The following OPRD1 variants were observed in gnomAD, a reference collection of about 807,000 sequenced individuals.
The protein encoded by OPRD1 is delta-type opioid receptor.
Under a neutral mutation model 17.5 loss-of-function variants are expected in OPRD1, and 19 were observed. That is an observed-to-expected ratio of 1.09 (90% CI 0.76 to 1.60). The LOEUF (loss-of-function observed/expected upper bound fraction) is 1.60, where lower values mean the gene tolerates loss of function less well. Ranked by LOEUF, OPRD1 falls within the 40% of genes most tolerant of loss-of-function variation. The pLI is 0.00. For missense variants in OPRD1, 483 were observed against 547.2 expected, an observed-to-expected ratio of 0.88 and a Z score of 1.17; for synonymous variants, 256 against 240.9, an observed-to-expected ratio of 1.06 and a Z score of -0.58.
intron 1 of OPRD1, among the ~76,000 whole-genome samples, chr1:28,839,447 C>A (rs186213929): frequency 1.9e-4 from 29 of 152,308 alleles, no homozygotes; most frequent in Admixed American, 5.9e-4. Flanking sequence ...GCTGTTATTT[C>A]TGAGAGCTCG....
chr1:28,867,212 T>C lies in OPRD1; in HGVS notation c.*3929T>C, dbSNP rs1349938135. 3 of 151,626 alleles carry C rather than the reference T, an allele frequency of 2.0e-5. No homozygotes were observed. Among genetic ancestry groups the C allele is most frequent in the Admixed American group, 2.0e-4 (3 of 15,216 alleles). The allele number at this position is 151,626 out of a possible 1,614,324, so 9.4% of individuals were successfully genotyped here. A position where few individuals can be genotyped will look rare whatever the true frequency, so the allele number is the denominator to read the frequency against. On this transcript the variant is annotated 3_prime_UTR_variant, in exon 3 of 3. Coordinates refer to ENST00000234961, the MANE Select transcript of OPRD1 (RefSeq NM_000911.4). ...TTTATTCATTTATTTTGTTTGGGTT[T>C]TTTTTTTTCTGAGACAGGGTCTCCC...
rs1437283938 is a variant in OPRD1 at position 28,865,481 on chromosome 1, A to G, written c.*2198A>G. On this transcript the variant is annotated 3_prime_UTR_variant, in exon 3 of 3. Coordinates refer to ENST00000234961, the MANE Select transcript of OPRD1 (RefSeq NM_000911.4). ...CAGGGGGCTGGGGACTTAGGCACCAAGAGGGGCTTTGGGCACATTAGGGGG... is the reference window on the plus strand; with the variant it reads ...CAGGGGGCTGGGGACTTAGGCACCAGGAGGGGCTTTGGGCACATTAGGGGG... 2.6e-5 allele frequency: 4 copies of G among 152,238 alleles called. No individual in the cohort carries two copies. The highest frequency in any genetic ancestry group is 9.6e-5 in the African/African-American group (4 of 41,462). 9.4% of individuals were successfully genotyped at this position (152,238 alleles called of 1,614,324 possible). A position where few individuals can be genotyped will look rare whatever the true frequency, so the allele number is the denominator to read the frequency against.
chr1:28,858,177 A>G (rs1004938601), intron 1 of OPRD1, among the ~76,000 whole-genome samples: 3 of 117,676 alleles, frequency 2.5e-5, no homozygotes, highest in South Asian at 5.5e-4. Flanking sequence ...GCAGTGGCGC[A>G]ATCTCGGCTC....
chr1:28,822,038 G>A (rs549771786), intron 1 of OPRD1, among the ~76,000 whole-genome samples: 1 of 150,874 alleles, frequency 6.6e-6, no homozygotes, highest in African/African-American at 2.4e-5. Flanking sequence ...CACAACCTCC[G>A]CCTCCTGGGT....
chr1:28,855,452 G>T (rs2089047664), intron 1 of OPRD1, among the ~76,000 whole-genome samples: 1 of 152,108 alleles, frequency 6.6e-6, no homozygotes, highest in African/African-American at 2.4e-5. Flanking sequence ...ATTTTGGGAA[G>T]TCGCTGGGGG....
chr1:28,851,812 G>A lies in OPRD1; in HGVS notation c.228-7142G>A, dbSNP rs573072645. 2.5e-3 allele frequency among the ~76,000 whole-genome samples: 338 copies of A among 137,920 alleles called. 1 individual carries two copies. Among genetic ancestry groups the A allele is most frequent in the African/African-American group, 8.4e-3 (310 of 36,692 alleles). 90.5% of individuals were successfully genotyped at this position (137,920 alleles called of 152,430 possible). The stretch of plus-strand genomic sequence containing the variant: ...CTTGAACCGGGGAGGCGGAGGTTGC[G>A]CCATTGCACTCCAGCCTGGGCAATG... On this transcript the variant is annotated intron_variant, in intron 1 of 2. Transcript: ENST00000234961.
Position 28,870,690 on chromosome 1 carries a change from T to C in OPRD1, c.*7407T>C, listed in dbSNP as rs114319037. 1 of 152,336 alleles carries C rather than the reference T, an allele frequency of 6.6e-6. No homozygotes were observed. The highest frequency in any genetic ancestry group is 1.5e-5 in the Non-Finnish European group (1 of 68,044). The allele number at this position is 152,336 out of a possible 1,614,324, so 9.4% of individuals were successfully genotyped here. On this transcript the variant is annotated 3_prime_UTR_variant, in exon 3 of 3. Coordinates refer to ENST00000234961, the MANE Select transcript of OPRD1 (RefSeq NM_000911.4). ...TTCCCAAGCTCCTTAGCCTTAGCTGTCCTCTCCTGCCCTCACCAGGACTGC... is the reference window on the plus strand; with the variant it reads ...TTCCCAAGCTCCTTAGCCTTAGCTGCCCTCTCCTGCCCTCACCAGGACTGC...
At position 28,855,531 on chromosome 1, in the gene OPRD1, C is replaced by T. The variant is rs149137848; in HGVS notation, c.228-3423C>T. On this transcript the variant is annotated intron_variant, in intron 1 of 2. Transcript: ENST00000234961. ...AGGGAGTCTACGGTGGCCAGAAGGA[C>T]GGGGCGTGGCTGTGGGTGGAGGGGA... Among the ~76,000 whole-genome samples, 322 of 150,446 alleles carry T rather than the reference C, an allele frequency of 2.1e-3. 2 individuals carry two copies. Among genetic ancestry groups the T allele is most frequent in the African/African-American group, 7.6e-3 (310 of 40,766 alleles).
chr1:28,837,664 A>C (rs2088863882), intron 1 of OPRD1, among the ~76,000 whole-genome samples: 1 of 147,734 alleles, frequency 6.8e-6, no homozygotes, highest in African/African-American at 2.5e-5. Context: ...CAAAAAACAA[A>C]AAAAACAAAA....
At chr1:28,818,877 G>A (rs2124258364) in intron 1 of OPRD1, among the ~76,000 whole-genome samples, 1 of 152,282 alleles carries the variant, frequency 6.6e-6, no homozygotes, top group South Asian at 2.1e-4. Flanking sequence ...TAGTCTGGAT[G>A]TGGGAGCTGA....
chr1:28,860,378 A>G (rs1157923938), intron 2 of OPRD1, among the ~76,000 whole-genome samples: 1 of 151,616 alleles, frequency 6.6e-6, no homozygotes, highest in African/African-American at 2.4e-5. Flanking sequence ...AAAAAAAAAA[A>G]ATTTATGGCC....
chr1:28,817,689 T>C (rs1395232237), intron 1 of OPRD1, among the ~76,000 whole-genome samples: 1 of 152,066 alleles, frequency 6.6e-6, no homozygotes, highest in Non-Finnish European at 1.5e-5. Flanking sequence ...GAGGTGTGGC[T>C]TTGGGCAAAA....
chr1:28,812,824 G>C (rs2088643899), intron 1 of OPRD1, among the ~76,000 whole-genome samples: 2 of 152,234 alleles, frequency 1.3e-5, no homozygotes, highest in Non-Finnish European at 2.9e-5. Flanking sequence ...TGCGGGGGGG[G>C]GAGTGCGCCG....
rs1017535979 is a variant in OPRD1 at position 28,865,920 on chromosome 1, G to A, written c.*2637G>A. On this transcript the variant is annotated 3_prime_UTR_variant, in exon 3 of 3. Transcript: ENST00000234961. ...CTGTGTCCCCTCCCAGGATAGGCCT[G>A]TTTCAAGGCTGCTTGAAGCCCACTC... 12 of 152,350 alleles carry A rather than the reference G, an allele frequency of 7.9e-5. No homozygotes were observed. The highest frequency in any genetic ancestry group is 2.9e-4 in the African/African-American group (12 of 41,566). 9.4% of individuals were successfully genotyped at this position (152,350 alleles called of 1,614,324 possible). A position where few individuals can be genotyped will look rare whatever the true frequency, so the allele number is the denominator to read the frequency against.
At chr1:28,819,923 C>T (rs1232729868) in intron 1 of OPRD1, among the ~76,000 whole-genome samples, 9 of 152,122 alleles carry the variant, frequency 5.9e-5, no homozygotes, top group African/African-American at 2.2e-4. Context: ...TACATCCCAG[C>T]GGTGCCATTT....
rs899944985 is a variant in OPRD1 at position 28,830,203 on chromosome 1, T to C, written c.227+17593T>C. On this transcript the variant is annotated intron_variant, in intron 1 of 2. Coordinates refer to ENST00000234961, the MANE Select transcript of OPRD1 (RefSeq NM_000911.4). ...CTTACAGGCGTGTGGTTTGTGGCAC[T>C]CCAAAACAATTACAGTGGTAGCATC... Among the ~76,000 whole-genome samples, 8 of 151,934 alleles carry C rather than the reference T, an allele frequency of 5.3e-5. No individual in the cohort carries two copies. In the East Asian group the frequency reaches 1.5e-3, roughly 29 times the overall value.
Position 28,859,232 on chromosome 1 carries a change from A to G in OPRD1, c.506A>G (p.Asn169Ser), listed in dbSNP as rs1200293788. 6.8e-6 allele frequency: 11 copies of G among 1,614,140 alleles called. No individual in the cohort carries two copies. The highest frequency in any genetic ancestry group is 8.5e-6 in the Non-Finnish European group (10 of 1,180,054). Residue 169 changes from asparagine (N) to serine (S), a missense_variant, in exon 2 of 3, where the codon AAC becomes AGC. Physicochemically the swap from Asn to Ser is conservative, Grantham distance 46. Coordinates refer to ENST00000234961, the MANE Select transcript of OPRD1 (RefSeq NM_000911.4). The part of the protein sequence containing the change: ...FRTPAKAKLI[N>S]ICIWVLASGV... ...ACGCCTGCCAAGGCCAAGCTGATCA[A>G]CATCTGTATCTGGGTCCTGGCCTCA... is the stretch of plus-strand genomic sequence containing the variant.
Position 28,812,361 on chromosome 1 carries a change from C to T in OPRD1, c.-23C>T. 1.5e-6 allele frequency: 2 copies of T among 1,357,890 alleles called. No homozygotes were observed. The highest frequency in any genetic ancestry group is 1.9e-6 in the Non-Finnish European group (2 of 1,061,790). The allele number at this position is 1,357,890 out of a possible 1,614,324, so 84.1% of individuals were successfully genotyped here. On this transcript the variant is annotated 5_prime_UTR_variant, in exon 1 of 3. The change creates a new upstream start codon in the 5' untranslated region. Coordinates refer to ENST00000234961, the MANE Select transcript of OPRD1 (RefSeq NM_000911.4). ...GCCCAGGGCGCACGGTGGAGAGGGA[C>T]GCGGCGGAGCCGGCCGGCAGCCATG...
chr1:28,833,893 G>A (rs931357362), intron 1 of OPRD1, among the ~76,000 whole-genome samples: 1 of 152,164 alleles, frequency 6.6e-6, no homozygotes, highest in Non-Finnish European at 1.5e-5. Flanking sequence ...GTCACCTAGA[G>A]AGAGGGAAGA....
Sources: gnomAD v4.1 joint callset for allele counts (sites outside exome capture counted in the v4.1 genomes callset) on GRCh38, gnomAD v4.1.1 for gene constraint, MANE v1.5 for transcripts, NCBI Gene and HGNC (gene_info 2026-07-23, HGNC 2026-07-21) for gene names.